Variants in RASSF5 observed in about 807,000 individuals in gnomAD.
The protein encoded by RASSF5 is Ras association domain family member 5, also known as ras association domain-containing protein 5.
Under a neutral mutation model 40.5 loss-of-function variants are expected in RASSF5, and 25 were observed. That is an observed-to-expected ratio of 0.62 (90% CI 0.45 to 0.86). The LOEUF (loss-of-function observed/expected upper bound fraction) is 0.86. Among genes scored for constraint, RASSF5 ranks in the 40% least tolerant of loss-of-function variants. RASSF5 has a pLI of 0.00. For missense variants in RASSF5, 521 were observed against 572.8 expected (o/e 0.91, Z 0.92); for synonymous variants, 246 against 252.4 (o/e 0.97, Z 0.24).
At position 206,510,124 on chromosome 1, in the gene RASSF5, T is replaced by G. The variant is rs925627354; in HGVS notation, c.457+2065T>G. On this transcript the variant is annotated intron_variant, in intron 1 of 5. Transcript: ENST00000579436. ...GTTGAGAAATGTTCTGATGTGCAGA[T>G]GAGGGCTGGCAGGTGGAGACACAGC... Among the ~76,000 whole-genome samples, 3 of 152,238 alleles carry G rather than the reference T, an allele frequency of 2.0e-5. No individual in the cohort carries two copies. In the East Asian group the frequency reaches 5.8e-4, roughly 29 times the overall value.
rs143897687 is a variant in RASSF5 at position 206,546,495 on chromosome 1, A to G, written c.579+8202A>G. Among the ~76,000 whole-genome samples, 551 of 152,184 alleles carry G rather than the reference A, an allele frequency of 3.6e-3. 4 individuals carry two copies. The highest frequency in any genetic ancestry group is 0.013 in the African/African-American group (522 of 41,496). On this transcript the variant is annotated intron_variant, in intron 2 of 5. Coordinates refer to ENST00000579436, the MANE Select transcript of RASSF5 (RefSeq NM_182663.4). ...TCTTGCCTTCTTTTGGACTACTTGA[A>G]TGTACTTTATGATTGCATTTTATCC...
intron 1 of RASSF5, among the ~76,000 whole-genome samples, chr1:206,521,734 G>A (rs375528135): frequency 8.4e-4 from 128 of 152,274 alleles, no homozygotes; most frequent in Middle Eastern, 6.8e-3. Flanking sequence ...TTCTCTTTCC[G>A]TATGTGCCCC....
At chr1:206,515,790 G>GT (rs1383002379) in intron 1 of RASSF5, among the ~76,000 whole-genome samples, 5 of 152,188 alleles carry the variant, frequency 3.3e-5, no homozygotes, top group African/African-American at 9.7e-5. Flanking sequence ...GCAGGAGGCT[G>GT]TTTTTTCTAT....
chr1:206,507,588 C>G lies in RASSF5; in HGVS notation c.-15C>G. 1 of 1,485,974 alleles carries G rather than the reference C, an allele frequency of 6.7e-7. No homozygotes were observed. The highest frequency in any genetic ancestry group is 8.9e-7 in the Non-Finnish European group (1 of 1,125,188). The allele number at this position is 1,485,974 out of a possible 1,614,324, so 92.0% of individuals were successfully genotyped here. A position where few individuals can be genotyped will look rare whatever the true frequency, so the allele number is the denominator to read the frequency against. On this transcript the variant is annotated 5_prime_UTR_variant, in exon 1 of 6. Transcript: ENST00000579436. ...CCAAAGCCGCCGCTGCCAAAGCTGCCGCCACTAGCCGGGCATGGCCATGGC... is the reference window on the plus strand; with the variant it reads ...CCAAAGCCGCCGCTGCCAAAGCTGCGGCCACTAGCCGGGCATGGCCATGGC...
In RASSF5 at chr1:206,589,227, T is replaced by C. The variant is rs1669262563; in HGVS notation, c.*2249T>C. On this transcript the variant is annotated 3_prime_UTR_variant, in exon 6 of 6. Transcript: ENST00000579436. ...AGGATATTTTCTTTTTAAATGTCTT[T>C]CTTATATGGGTTTTAAAAAAAAGTA... 6.5e-6 allele frequency: 1 copy of C among 152,726 alleles called. No homozygotes were observed. The highest frequency in any genetic ancestry group is 2.4e-5 in the African/African-American group (1 of 41,428). The allele number at this position is 152,726 out of a possible 1,614,324, so 9.5% of individuals were successfully genotyped here.
intron 1 of RASSF5, chr1:206,529,656 G>A (rs1667186667): frequency 1.7e-5 from 13 of 757,692 alleles, no homozygotes; most frequent in Admixed American, 3.4e-5. Context: ...GGCTCACATC[G>A]CCAAATTCAA....
At chr1:206,537,870 A>G (rs1667457076) in intron 1 of RASSF5, among the ~76,000 whole-genome samples, 1 of 152,234 alleles carries the variant, frequency 6.6e-6, no homozygotes, top group South Asian at 2.1e-4. Flanking sequence ...TGACCTTGAG[A>G]AAGTCACTCA....
rs531226103 is a variant in RASSF5 at position 206,588,161 on chromosome 1, G to A, written c.*1183G>A. 4.6e-5 allele frequency: 7 copies of A among 152,956 alleles called. No individual in the cohort carries two copies. Among genetic ancestry groups the A allele is most frequent in the African/African-American group, 1.4e-4 (6 of 41,592 alleles). The allele number at this position is 152,956 out of a possible 1,614,324, so 9.5% of individuals were successfully genotyped here. ...TGTTTTCAGAGAGAAATAGGAGTAGGGCGAGTTTGCCTGAAGCTCTGCTGC... is the reference window on the plus strand; with the variant it reads ...TGTTTTCAGAGAGAAATAGGAGTAGAGCGAGTTTGCCTGAAGCTCTGCTGC... On this transcript the variant is annotated 3_prime_UTR_variant, in exon 6 of 6. Transcript: ENST00000579436.
Position 206,538,303 on chromosome 1 carries a change from A to G in RASSF5, c.579+10A>G. 2.5e-6 allele frequency: 4 copies of G among 1,613,244 alleles called. No individual in the cohort carries two copies. Among genetic ancestry groups the G allele is most frequent in the Non-Finnish European group, 2.5e-6 (3 of 1,179,952 alleles). On this transcript the variant is annotated intron_variant, in intron 2 of 5. Transcript: ENST00000579436. ...CGTGACCTTCAGCCAGGTAGGTGCC[A>G]AAGCTCTCGTACCAAGCTGGGAACA...
intron 1 of RASSF5, chr1:206,528,853 C>T (rs1667162596): frequency 4.4e-6 from 2 of 451,208 alleles, no homozygotes; most frequent in Non-Finnish European, 7.7e-6. Flanking sequence ...GCCTGGGCAA[C>T]ATGATGAAAC....
intron 2 of RASSF5, among the ~76,000 whole-genome samples, chr1:206,569,020 A>C (rs1553403802): frequency 6.6e-6 from 1 of 152,250 alleles, no homozygotes; most frequent in Non-Finnish European, 1.5e-5. Flanking sequence ...TTGCCATGAC[A>C]GGGTAGTGGG....
At chr1:206,551,678 A>T (rs201546712) in intron 2 of RASSF5, among the ~76,000 whole-genome samples, 1 of 152,216 alleles carries the variant, frequency 6.6e-6, no homozygotes, top group East Asian at 1.9e-4. Context: ...TCTGGTGCAT[A>T]TTTCTCTAGA....
In RASSF5 at chr1:206,510,688, G is replaced by T. The variant is rs140147680; in HGVS notation, c.457+2629G>T. On this transcript the variant is annotated intron_variant, in intron 1 of 5. Transcript: ENST00000579436. ...TGGGTATTAGGTGTCCTCTAGAAAT[G>T]CCACTCCTACCTGATGTCCTGCTGT... Among the ~76,000 whole-genome samples, 310 of 152,254 alleles carry T rather than the reference G, an allele frequency of 2.0e-3. 1 individual carries two copies. The highest frequency in any genetic ancestry group is 6.8e-3 in the Middle Eastern group (2 of 294).
chr1:206,510,356 ATC>A (rs1666584683), intron 1 of RASSF5, among the ~76,000 whole-genome samples: 1 of 152,008 alleles, frequency 6.6e-6, no homozygotes. Flanking sequence ...AGTCCTGGAC[ATC>A]TCTGTGTTCT....
intron 2 of RASSF5, among the ~76,000 whole-genome samples, chr1:206,548,372 G>A (rs1178843251): frequency 1.3e-5 from 2 of 152,164 alleles, no homozygotes; most frequent in Admixed American, 6.5e-5. Context: ...ATGTCACATG[G>A]TGAGAGAGGG....
In RASSF5 at chr1:206,560,490, A is replaced by T. The variant is rs782641473; in HGVS notation, c.579+22197A>T. Among the ~76,000 whole-genome samples, 22 of 152,182 alleles carry T rather than the reference A, an allele frequency of 1.4e-4. No individual in the cohort carries two copies. Among genetic ancestry groups the T allele is most frequent in the Non-Finnish European group, 3.1e-4 (21 of 68,018 alleles). On this transcript the variant is annotated intron_variant, in intron 2 of 5. Coordinates refer to ENST00000579436, the MANE Select transcript of RASSF5 (RefSeq NM_182663.4). This position sits in a 1 kb window ranked among gnomAD's most constrained non-coding sequence, Gnocchi z 5.1. ...TTGGTCTCTCTTTTCAGAAAATGGC[A>T]GTTTCCTGGGGCCACGTGCCTCCTT... is the stretch of plus-strand genomic sequence containing the variant.
chr1:206,525,653 T>C (rs1553397089), intron 1 of RASSF5, among the ~76,000 whole-genome samples: 1 of 152,228 alleles, frequency 6.6e-6, no homozygotes, highest in African/African-American at 2.4e-5. Context: ...TGTTTTGTTA[T>C]GTTGCCCAGG....
chr1:206,559,261 G>A (rs1572340265), intron 2 of RASSF5, among the ~76,000 whole-genome samples: 1 of 152,348 alleles, frequency 6.6e-6, no homozygotes, highest in African/African-American at 2.4e-5. Flanking sequence ...TAGGTGCTGT[G>A]CCTGCCTCTC....
chr1:206,539,074 G>A (rs192892883), intron 2 of RASSF5, among the ~76,000 whole-genome samples: 1 of 152,300 alleles, frequency 6.6e-6, no homozygotes, highest in Non-Finnish European at 1.5e-5. Flanking sequence ...GAGAAATCAG[G>A]GAAGGCTTCC....
Sources: allele counts gnomAD v4.1 joint callset (sites outside exome capture counted in the v4.1 genomes callset), GRCh38; gene constraint gnomAD v4.1.1; non-coding constraint Gnocchi (gnomAD v3.1); transcripts MANE v1.5; gene names NCBI Gene and HGNC (gene_info 2026-07-23, HGNC 2026-07-21).